Variants in GALNT2 observed in about 807,000 individuals in gnomAD.
GALNT2 encodes the protein UDP-GalNAc:polypeptide N-acetylgalactosaminyltransferase 2.
GALNT2 carries 31 observed loss-of-function variants against 81.4 expected under a neutral mutation model. The observed-to-expected ratio is 0.38, with a 90% CI of 0.29 to 0.51. The LOEUF (loss-of-function observed/expected upper bound fraction) is 0.51, where lower values mean the gene tolerates loss of function less well. GALNT2 is among the 20% of genes least tolerant of loss of function. The pLI is 0.87. For missense variants in GALNT2, 629 were observed against 765.7 expected (o/e 0.82, Z 2.11); for synonymous variants, 303 against 287.4 (o/e 1.05, Z -0.55).
At chr1:230,234,856 A>G (rs1664976687) in intron 3 of GALNT2, among the ~76,000 whole-genome samples, 1 of 152,094 alleles carries the variant, frequency 6.6e-6, no homozygotes, top group Admixed American at 6.6e-5. Flanking sequence ...GTAAACCTTT[A>G]CTGCTTATTT....
At chr1:230,264,572 AC>A (rs1411896000) in intron 13 of GALNT2, 4 of 152,170 alleles carry the variant, frequency 2.6e-5, no homozygotes, top group Non-Finnish European at 5.9e-5. Context: ...CTGTAATATC[AC>A]CGCCGTTTAC....
chr1:230,136,808 G>A (rs547662479), intron 1 of GALNT2, among the ~76,000 whole-genome samples: 1 of 152,324 alleles, frequency 6.6e-6, no homozygotes, highest in East Asian at 1.9e-4. Context: ...GAAGCTCAAT[G>A]GCATTTATCT....
At chr1:230,059,836 GTA>G (rs1204804541) in intron 1 of GALNT2, among the ~76,000 whole-genome samples, 1 of 152,052 alleles carries the variant, frequency 6.6e-6, no homozygotes, top group Admixed American at 6.6e-5. Flanking sequence ...AGCAGCTCGT[GTA>G]TGTCATGCCC....
chr1:230,103,064 A>G (rs955932892), intron 1 of GALNT2, among the ~76,000 whole-genome samples: 2 of 152,072 alleles, frequency 1.3e-5, no homozygotes, highest in African/African-American at 2.4e-5. Flanking sequence ...GCAGTAAGAG[A>G]CTCCTATAAC....
chr1:230,089,116 T>A (rs1000613447), intron 1 of GALNT2, among the ~76,000 whole-genome samples: 3 of 152,062 alleles, frequency 2.0e-5, no homozygotes, highest in Non-Finnish European at 2.9e-5. Flanking sequence ...AAAATACATA[T>A]AACAAAACTG....
At chr1:230,269,067 G>C (rs897827823) in intron 14 of GALNT2, among the ~76,000 whole-genome samples, 1 of 151,856 alleles carries the variant, frequency 6.6e-6, no homozygotes, top group East Asian at 1.9e-4. Context: ...CTTTCCAGCA[G>C]TAAGTGCTGA....
chr1:230,161,672 C>A (rs979777146), intron 1 of GALNT2, among the ~76,000 whole-genome samples: 5 of 152,194 alleles, frequency 3.3e-5, no homozygotes, highest in African/African-American at 1.2e-4. Context: ...GCTCTCTGAC[C>A]ATTGTGCCTT....
At chr1:230,174,811 G>A (rs555578759) in intron 1 of GALNT2, among the ~76,000 whole-genome samples, 4 of 152,252 alleles carry the variant, frequency 2.6e-5, no homozygotes, top group South Asian at 2.1e-4. Context: ...CTATCCTGCC[G>A]CTTCCGTGCC....
At chr1:230,249,160 C>T (rs1315934572) in intron 8 of GALNT2, 24 bp from the exon 9 acceptor site, 3 of 1,608,828 alleles carry the variant, frequency 1.9e-6, no homozygotes, top group Non-Finnish European at 2.6e-6. Context: ...TTGTCAACAC[C>T]CTGTTTCTTT....
At position 230,265,267 on chromosome 1, in the gene GALNT2, T is replaced by G; in HGVS notation, c.1340T>G (p.Phe447Cys). 6.2e-7 allele frequency: 1 copy of G among 1,614,226 alleles called. No individual in the cohort carries two copies. Residue 447 changes from phenylalanine to cysteine, a missense_variant, in exon 14 of 16, where the codon TTT becomes TGT. Around this residue, in one of 3 missense-constraint regions of GALNT2, gnomAD observed 207 missense variants for 225.5 expected, o/e 0.92. Transcript: ENST00000366672. ...LRVPDHQDIA[F>C]GALQQGTNCL... ...GTTCCAGACCATCAGGATATAGCTT[T>G]TGGGGCCTTGCAGCAGGGAACTAAC...
At chr1:230,263,754 C>G (rs1329612781) in intron 13 of GALNT2, 1 of 152,254 alleles carries the variant, frequency 6.6e-6, no homozygotes, top group Non-Finnish European at 1.5e-5. Context: ...GCGGCACATT[C>G]CTTATTCTAA....
At chr1:230,270,797 G>C (rs1023918013) in intron 14 of GALNT2, among the ~76,000 whole-genome samples, 1 of 152,218 alleles carries the variant, frequency 6.6e-6, no homozygotes, top group Non-Finnish European at 1.5e-5. Context: ...TAATGGCCAT[G>C]CCTTTTAAGA....
At chr1:230,087,662 C>G (rs931810156) in intron 1 of GALNT2, among the ~76,000 whole-genome samples, 4 of 152,198 alleles carry the variant, frequency 2.6e-5, no homozygotes, top group Non-Finnish European at 5.9e-5. Context: ...GCAGTCAGGT[C>G]TGGGGACAGC....
At chr1:230,088,501 A>G (rs913975381) in intron 1 of GALNT2, among the ~76,000 whole-genome samples, 8 of 148,712 alleles carry the variant, frequency 5.4e-5, no homozygotes, top group Admixed American at 1.3e-4. Context: ...GTTCAGTGAC[A>G]TTTACTACAG....
Position 230,243,181 on chromosome 1 carries a change from A to G in GALNT2, c.608-125A>G, listed in dbSNP as rs917513895. ...TTTTGATCTCATCCAGCAAGTTTACAGTAATGTCCGTGCCCAGAAAGCAGG... is the reference window on the plus strand; with the variant it reads ...TTTTGATCTCATCCAGCAAGTTTACGGTAATGTCCGTGCCCAGAAAGCAGG... On this transcript the variant is annotated intron_variant, in intron 6 of 15. Transcript: ENST00000366672. This position sits in a 1 kb window ranked among gnomAD's most constrained non-coding sequence, Gnocchi z 4.2. 7.0e-5 allele frequency: 89 copies of G among 1,265,092 alleles called. No homozygotes were observed. Among genetic ancestry groups the G allele is most frequent in the Non-Finnish European group, 9.1e-5 (85 of 938,688 alleles). 78.4% of individuals were successfully genotyped at this position (1,265,092 alleles called of 1,614,324 possible).
At chr1:230,115,855 C>A (rs1204128631) in intron 1 of GALNT2, among the ~76,000 whole-genome samples, 1 of 152,224 alleles carries the variant, frequency 6.6e-6, no homozygotes, top group Non-Finnish European at 1.5e-5. Flanking sequence ...TTGACATGCT[C>A]ACAGCATGTT....
chr1:230,092,565 A>G (rs1660125050), intron 1 of GALNT2, among the ~76,000 whole-genome samples: 1 of 151,876 alleles, frequency 6.6e-6, no homozygotes, highest in Non-Finnish European at 1.5e-5. Flanking sequence ...GCTGATCTCG[A>G]ACTCCTGACC....
chr1:230,140,690 G>A (rs1193397720), intron 1 of GALNT2, among the ~76,000 whole-genome samples: 2 of 152,180 alleles, frequency 1.3e-5, no homozygotes, highest in Non-Finnish European at 2.9e-5. Flanking sequence ...TTCTGTCTGT[G>A]TCAAGTGTTT....
chr1:230,235,973 T>TGAA, intron 3 of GALNT2, 41 bp from the exon 4 acceptor site: 2 of 1,589,256 alleles, frequency 1.3e-6, no homozygotes, highest in South Asian at 2.2e-5. Flanking sequence ...GTGGCTGCTC[T>TGAA]GGGGGTCATT....
Sources: gnomAD v4.1 joint callset for allele counts (sites outside exome capture counted in the v4.1 genomes callset) on GRCh38, gnomAD v4.1.1 for gene constraint, gnomAD v4.1.1 regional missense constraint, Gnocchi (gnomAD v3.1) non-coding constraint, MANE v1.5 for transcripts, NCBI Gene and HGNC (gene_info 2026-07-23, HGNC 2026-07-21) for gene names.